Variants in ECPAS observed in about 807,000 individuals in gnomAD.
The protein encoded by ECPAS is proteasome adapter and scaffold protein ECM29.
In ECPAS, 70 loss-of-function variants were observed where a neutral mutation model predicts 255.1. The observed-to-expected ratio is 0.27, with a 90% CI of 0.23 to 0.33. The LOEUF (loss-of-function observed/expected upper bound fraction) is 0.33, where lower values mean the gene tolerates loss of function less well. Ranked by LOEUF, ECPAS falls within the 10% of genes least tolerant of loss-of-function variation. The pLI is 1.00. For synonymous variants in ECPAS, 784 were observed against 775.0 expected (o/e 1.01, Z -0.19); for missense variants, 1,817 against 2,206.4 (o/e 0.82, Z 3.54).
At chr9:111,365,256 C>T (rs2098118810) in intron 48 of ECPAS, among the ~76,000 whole-genome samples, 1 of 151,396 alleles carries the variant, frequency 6.6e-6, no homozygotes, top group Admixed American at 6.6e-5. Flanking sequence ...GGTGACAGAG[C>T]AAGACCCTGT....
At chr9:111,460,085 G>A (rs774943563) in intron 2 of ECPAS, among the ~76,000 whole-genome samples, 5 of 152,120 alleles carry the variant, frequency 3.3e-5, no homozygotes, top group Non-Finnish European at 7.3e-5. Context: ...TAAAAAATAT[G>A]AGTCAAATCC....
At chr9:111,363,730 G>T in intron 48 of ECPAS, 71 bp from the exon 49 acceptor site, 1 of 769,100 alleles carries the variant, frequency 1.3e-6, no homozygotes, top group Non-Finnish European at 2.2e-6. Context: ...AATTTGTGTT[G>T]CTGAAAGAAA....
At chr9:111,419,938 G>T in intron 16 of ECPAS, 79 bp downstream of exon 16, 2 of 1,073,912 alleles carry the variant, frequency 1.9e-6, no homozygotes, top group Non-Finnish European at 2.8e-6. Context: ...GACCAACATT[G>T]TAAACAATAC....
chr9:111,400,039 G>A (rs1264574653), intron 24 of ECPAS, among the ~76,000 whole-genome samples: 3 of 152,216 alleles, frequency 2.0e-5, no homozygotes, highest in African/African-American at 7.2e-5. Context: ...CTAACTTCAG[G>A]CAGCTTATTG....
intron 25 of ECPAS, among the ~76,000 whole-genome samples, chr9:111,395,217 G>A (rs1036691040): frequency 6.6e-5 from 10 of 152,026 alleles, no homozygotes; most frequent in Admixed American, 4.6e-4. Flanking sequence ...TGCTATCTGG[G>A]CATCTACAAT....
intron 24 of ECPAS, among the ~76,000 whole-genome samples, chr9:111,405,319 C>A (rs751578238): frequency 1.3e-5 from 2 of 149,698 alleles, no homozygotes; most frequent in Non-Finnish European, 2.9e-5. Context: ...GAGGAAGGAA[C>A]AGTCTCTTCA....
chr9:111,407,245 T>A (rs1457028974), intron 24 of ECPAS, among the ~76,000 whole-genome samples: 1 of 145,776 alleles, frequency 6.9e-6, no homozygotes, highest in Non-Finnish European at 1.5e-5. Context: ...CTATTAAAAA[T>A]ACAAATATTA....
chr9:111,473,295 T>C (rs867985943), intron 1 of ECPAS, among the ~76,000 whole-genome samples: 1 of 152,218 alleles, frequency 6.6e-6, no homozygotes, highest in African/African-American at 2.4e-5. Context: ...TATATGTATA[T>C]GTGTGTATAT....
chr9:111,450,035 A>G lies in ECPAS; in HGVS notation c.153+1390T>C, dbSNP rs530010288. Among the ~76,000 whole-genome samples, 180 of 152,314 alleles carry G rather than the reference A, an allele frequency of 1.2e-3. 1 individual carries two copies. The highest frequency in any genetic ancestry group is 4.2e-3 in the African/African-American group (173 of 41,566). ...CCCAAATATATTCTTTCATAAGAAT[A>G]TATTTCCTTTTCCATCTTGGCATGT... On this transcript the variant is annotated intron_variant, in intron 3 of 49. Coordinates refer to ENST00000684092, the MANE Select transcript of ECPAS (RefSeq NM_001364929.1).
chr9:111,407,403 GAAAAAAA>G (rs1161790026), intron 24 of ECPAS, among the ~76,000 whole-genome samples: 58 of 12,046 alleles, frequency 4.8e-3, no homozygotes, highest in Non-Finnish European at 5.4e-3. Context: ...CTCCATCTCA[GAAAAAAA>G]AAAAAAAAAA....
At chr9:111,401,159 A>G (rs190906161) in intron 24 of ECPAS, among the ~76,000 whole-genome samples, 42 of 152,400 alleles carry the variant, frequency 2.8e-4, no homozygotes, top group Non-Finnish European at 5.4e-4. Context: ...AACTGAGAAT[A>G]CTGTACCCAG....
intron 7 of ECPAS, among the ~76,000 whole-genome samples, chr9:111,435,536 C>T (rs1188253875): frequency 1.3e-5 from 2 of 152,156 alleles, no homozygotes; most frequent in East Asian, 3.8e-4. Context: ...ATCTCAAAAC[C>T]TCCATGCCTT....
intron 24 of ECPAS, among the ~76,000 whole-genome samples, chr9:111,401,579 C>T (rs1280754431): frequency 3.3e-5 from 5 of 152,180 alleles, no homozygotes; most frequent in Non-Finnish European, 7.3e-5. Context: ...CTAGAATTCA[C>T]CAGGCTGGAA....
At chr9:111,409,788 C>T (rs1466014421) in intron 23 of ECPAS, among the ~76,000 whole-genome samples, 1 of 152,026 alleles carries the variant, frequency 6.6e-6, no homozygotes, top group Non-Finnish European at 1.5e-5. Flanking sequence ...GAATTTAATA[C>T]TTCACTCAAA....
intron 3 of ECPAS, among the ~76,000 whole-genome samples, chr9:111,449,226 T>C (rs932455471): frequency 6.6e-6 from 1 of 151,944 alleles, no homozygotes; most frequent in African/African-American, 2.4e-5. Flanking sequence ...AAAGAAATAA[T>C]TTGAATAAAA....
intron 2 of ECPAS, among the ~76,000 whole-genome samples, chr9:111,466,353 G>T (rs1328289738): frequency 6.6e-6 from 1 of 152,088 alleles, no homozygotes; most frequent in East Asian, 1.9e-4. Context: ...GCTGAGGCAG[G>T]AGAATCGCTT....
chr9:111,476,150 T>C (rs2098295987), intron 1 of ECPAS, among the ~76,000 whole-genome samples: 2 of 152,220 alleles, frequency 1.3e-5, no homozygotes, highest in South Asian at 4.1e-4. Context: ...TTCAAGATTA[T>C]AGGCTGTTGC....
At chr9:111,452,549 A>G (rs2098261697) in intron 2 of ECPAS, among the ~76,000 whole-genome samples, 1 of 152,224 alleles carries the variant, frequency 6.6e-6, no homozygotes, top group Non-Finnish European at 1.5e-5. Flanking sequence ...GGGGTTATGT[A>G]AGTAAAACCA....
At chr9:111,428,941 T>G (rs2098225758) in intron 9 of ECPAS, among the ~76,000 whole-genome samples, 1 of 152,008 alleles carries the variant, frequency 6.6e-6, no homozygotes, top group African/African-American at 2.4e-5. Context: ...CATACATACA[T>G]TTTTTTTCAC....
Sources: gnomAD v4.1 joint callset for allele counts (sites outside exome capture counted in the v4.1 genomes callset) on GRCh38, gnomAD v4.1.1 for gene constraint, MANE v1.5 for transcripts, NCBI Gene and HGNC (gene_info 2026-07-23, HGNC 2026-07-21) for gene names.